Variants in NUP188 observed in about 807,000 individuals in gnomAD.
NUP188 encodes the protein nucleoporin NUP188.
Under a neutral mutation model 223.0 loss-of-function variants are expected in NUP188, and 97 were observed. The observed-to-expected ratio is 0.43, with a 90% CI of 0.37 to 0.51. The LOEUF is 0.51. NUP188 is among the 20% of genes least tolerant of loss of function. The pLI, the probability that NUP188 is intolerant of heterozygous loss-of-function variation, is 0.00. For synonymous variants in NUP188, 869 were observed against 828.0 expected, an observed-to-expected ratio of 1.05 and a Z score of -0.85; for missense variants, 1,947 against 2,175.6, an observed-to-expected ratio of 0.89 and a Z score of 2.09.
intron 31 of NUP188, 82 bp downstream of exon 31, chr9:128,998,310 C>A: frequency 7.8e-7 from 1 of 1,281,694 alleles, no homozygotes. Context: ...AGTCTGCCAG[C>A]CAGCCGCACA....
At chr9:128,977,691 C>T (rs1161354918) in intron 12 of NUP188, among the ~76,000 whole-genome samples, 5 of 151,640 alleles carry the variant, frequency 3.3e-5, no homozygotes, top group African/African-American at 4.8e-5. Flanking sequence ...CCCAGTTACT[C>T]GGGATGCTGA....
chr9:128,975,300 T>C (rs1277992441), intron 12 of NUP188, among the ~76,000 whole-genome samples: 1 of 148,648 alleles, frequency 6.7e-6, no homozygotes, highest in Non-Finnish European at 1.5e-5. Context: ...CTTGGCTCAC[T>C]GCAAGCTCTG....
chr9:128,996,001 G>A (rs1842518000), intron 30 of NUP188, among the ~76,000 whole-genome samples: 1 of 152,160 alleles, frequency 6.6e-6, no homozygotes, highest in Non-Finnish European at 1.5e-5. Flanking sequence ...CATTGTCTCT[G>A]TACTCTGTCT....
intron 24 of NUP188, among the ~76,000 whole-genome samples, chr9:128,989,870 G>A (rs1027400513): frequency 2.6e-5 from 4 of 152,010 alleles, no homozygotes; most frequent in African/African-American, 9.7e-5. Flanking sequence ...AATAAAATAA[G>A]CACCTATTTT....
chr9:128,998,999 G>T (rs1032942262), intron 32 of NUP188, among the ~76,000 whole-genome samples, 173 bp from the exon 33 acceptor site: 1 of 151,900 alleles, frequency 6.6e-6, no homozygotes, highest in African/African-American at 2.4e-5. Flanking sequence ...TGGGATTACG[G>T]GTGCGCGCTA....
chr9:129,003,522 A>C, intron 38 of NUP188, 68 bp downstream of exon 38: 1 of 1,539,266 alleles, frequency 6.5e-7, no homozygotes, highest in South Asian at 1.1e-5. Flanking sequence ...GTGAGGTCTC[A>C]CTGGGGCACT....
chr9:128,995,180 C>A lies in NUP188; in HGVS notation c.3156-139C>A, dbSNP rs549218961. The stretch of plus-strand genomic sequence containing the variant: ...AATCCTGGAAAGGCCTCAGCCTAAC[C>A]CACACGTTGGAGGTGTCCTGGAGCC... On this transcript the variant is annotated intron_variant, in intron 29 of 43. Coordinates refer to ENST00000372577, the MANE Select transcript of NUP188 (RefSeq NM_015354.3). 4 of 689,022 alleles carry A rather than the reference C, an allele frequency of 5.8e-6. No individual in the cohort carries two copies. The South Asian group carries it at 7.2e-5, about 12-fold the overall frequency. The allele number at this position is 689,022 out of a possible 1,614,324, so 42.7% of individuals were successfully genotyped here.
In NUP188 at chr9:128,958,831, C is replaced by T; in HGVS notation, c.402C>T (p.Thr134=). 1.3e-6 allele frequency: 2 copies of T among 1,596,248 alleles called. No individual in the cohort carries two copies. Among genetic ancestry groups the T allele is most frequent in the Non-Finnish European group, 1.7e-6 (2 of 1,169,014 alleles). ...CAGATTATTATTATGAAGAAAGAAC[C>T]TGTATTCTTCGTTGTGTCTTACACC... The part of the protein sequence containing the change: ...KIADYYYEER[T]CILRCVLHLL... The change falls in exon 7 of 44, where the codon ACC becomes ACT. Residue 134 remains threonine (T), a synonymous_variant. Coordinates refer to ENST00000372577, the MANE Select transcript of NUP188 (RefSeq NM_015354.3).
At chr9:128,961,522 A>T (rs1425322369) in intron 8 of NUP188, among the ~76,000 whole-genome samples, 1 of 151,666 alleles carries the variant, frequency 6.6e-6, no homozygotes, top group Non-Finnish European at 1.5e-5. Context: ...AAAATAAATA[A>T]ATAAATAAAT....
intron 15 of NUP188, among the ~76,000 whole-genome samples, chr9:128,982,189 G>C (rs113633046): frequency 6.6e-6 from 1 of 152,054 alleles, no homozygotes; most frequent in African/African-American, 2.4e-5. Context: ...CCAGAACTTT[G>C]GGAGGCCAAG....
In NUP188 at chr9:128,958,062, G is replaced by A. The variant is rs766141207; in HGVS notation, c.372+8G>A. The A allele has an allele frequency of 5.2e-5, 83 of 1,607,730 alleles. No individual in the cohort carries two copies. Among genetic ancestry groups the A allele is most frequent in the Non-Finnish European group, 6.8e-5 (80 of 1,174,834 alleles). ...CAGGCCTTAATCCTGAAGGTCAGTA[G>A]TAGTCACCATTTCTATTCTTTGATG... is the stretch of plus-strand genomic sequence containing the variant. On this transcript the variant is annotated splice_region_variant and intron_variant, in intron 6 of 43. Coordinates refer to ENST00000372577, the MANE Select transcript of NUP188 (RefSeq NM_015354.3).
At chr9:128,981,223 T>G (rs766307926) in intron 14 of NUP188, 41 bp from the exon 15 acceptor site, 1 of 1,605,068 alleles carries the variant, frequency 6.2e-7, no homozygotes, top group African/African-American at 1.3e-5. Flanking sequence ...TCCTTGCTTA[T>G]CCTGGAGGGA....
At position 129,006,877 on chromosome 9, in the gene NUP188, G is replaced by A; in HGVS notation, c.*199G>A. On this transcript the variant is annotated 3_prime_UTR_variant, in exon 44 of 44. Transcript: ENST00000372577. The stretch of plus-strand genomic sequence containing the variant: ...AAGAGGTCAACAGCAGGCATGGGGA[G>A]CCGAGTCTTCTGTGCTCAGGTCCTC... 1 of 518,206 alleles carries A rather than the reference G, an allele frequency of 1.9e-6. No homozygotes were observed. 32.1% of individuals were successfully genotyped at this position (518,206 alleles called of 1,614,324 possible).
intron 5 of NUP188, 101 bp from the exon 6 acceptor site, chr9:128,957,909 C>T (rs1225748428): frequency 6.9e-6 from 6 of 865,058 alleles, no homozygotes; most frequent in East Asian, 5.4e-5. Context: ...AACAAATGTG[C>T]AATTATAATC....
intron 37 of NUP188, 99 bp downstream of exon 37, chr9:129,003,074 C>T (rs762034130): frequency 3.1e-4 from 420 of 1,370,450 alleles, no homozygotes; most frequent in Non-Finnish European, 3.9e-4. Context: ...GCCTCAGTAG[C>T]GGAGGGTTGT....
At chr9:128,971,005 A>C in intron 11 of NUP188, 47 bp downstream of exon 11, 1 of 1,418,484 alleles carries the variant, frequency 7.0e-7, no homozygotes, top group Non-Finnish European at 1.0e-6. Context: ...AGCCGGCAGA[A>C]GCATTATAAT....
chr9:128,961,136 A>T (rs1219959824), intron 8 of NUP188, among the ~76,000 whole-genome samples: 2 of 150,560 alleles, frequency 1.3e-5, no homozygotes, highest in African/African-American at 4.9e-5. Context: ...TCTGGCCAAT[A>T]TGGTGAAGCC....
In NUP188 at chr9:129,005,240, G is replaced by A. The variant is rs1294581361; in HGVS notation, c.4509+19G>A. On this transcript the variant is annotated intron_variant, in intron 39 of 43. Coordinates refer to ENST00000372577, the MANE Select transcript of NUP188 (RefSeq NM_015354.3). Reference sequence around the variant, plus strand: ...CTTACAGGTAAGCGTCCTATGCCATGAGGTCCTGGAATACCTCACGCTAGC... The same window carrying A: ...CTTACAGGTAAGCGTCCTATGCCATAAGGTCCTGGAATACCTCACGCTAGC... 8.1e-6 allele frequency: 13 copies of A among 1,613,730 alleles called. No homozygotes were observed. Among genetic ancestry groups the A allele is most frequent in the Middle Eastern group, 1.6e-4 (1 of 6,062 alleles).
At chr9:128,958,951 TTA>T in intron 7 of NUP188, 57 bp downstream of exon 7, 1 of 1,404,430 alleles carries the variant, frequency 7.1e-7, no homozygotes, top group Non-Finnish European at 9.7e-7. Flanking sequence ...AATAATTTTA[TTA>T]ATATTTATTT....
Sources: gnomAD v4.1 joint callset for allele counts (sites outside exome capture counted in the v4.1 genomes callset) on GRCh38, gnomAD v4.1.1 for gene constraint, MANE v1.5 for transcripts, NCBI Gene and HGNC (gene_info 2026-07-23, HGNC 2026-07-21) for gene names.